YY1AP1: variants seen among roughly 807,000 people sequenced by gnomAD.
YY1AP1 encodes YY1 associated protein 1.
Under a neutral mutation model 39.9 loss-of-function variants are expected in YY1AP1, and 43 were observed. That is an observed-to-expected ratio of 1.08 (90% CI 0.84 to 1.39). YY1AP1 has a LOEUF of 1.39. Ranked by LOEUF, YY1AP1 falls within the 40% of genes most tolerant of loss-of-function variation. The pLI, the probability that YY1AP1 is intolerant of heterozygous loss-of-function variation, is 0.00. For synonymous variants in YY1AP1, 292 were observed against 331.3 expected (o/e 0.88, Z 1.29); for missense variants, 813 against 900.7 (o/e 0.90, Z 1.25).
intron 2 of YY1AP1, among the ~76,000 whole-genome samples, chr1:155,682,703 C>T (rs1435006438): frequency 6.6e-6 from 1 of 152,088 alleles, no homozygotes; most frequent in East Asian, 1.9e-4. Context: ...CACTGACATC[C>T]CAAAGGACAA....
chr1:155,672,510 C>T (rs1225506987), intron 7 of YY1AP1, 50 bp downstream of exon 7: 1 of 1,604,250 alleles, frequency 6.2e-7, no homozygotes, highest in Non-Finnish European at 8.5e-7. Flanking sequence ...AAGATTCCCA[C>T]CACCTCTCAC....
rs1032636237 is a variant in YY1AP1 at position 155,673,056 on chromosome 1, C to T, written c.412-325G>A. Reference sequence around the variant, plus strand: ...TATTTTGAGACATGGTCTCACTCTGCCGCTCAGGCTGGACTGCAGTGGCAT... The same window carrying T: ...TATTTTGAGACATGGTCTCACTCTGTCGCTCAGGCTGGACTGCAGTGGCAT... On this transcript the variant is annotated intron_variant, in intron 6 of 10. Transcript: ENST00000355499. 3.9e-5 allele frequency among the ~76,000 whole-genome samples: 6 copies of T among 152,202 alleles called. No homozygotes were observed. In the East Asian group the frequency reaches 9.7e-4, roughly 25 times the overall value.
intron 9 of YY1AP1, among the ~76,000 whole-genome samples, chr1:155,664,894 A>G (rs1306313635): frequency 1.3e-5 from 2 of 150,810 alleles, no homozygotes; most frequent in Non-Finnish European, 3.0e-5. Flanking sequence ...CTCAGCCTCC[A>G]GAGTACCTGG....
rs1466710596 is a variant in YY1AP1, at chr1:155,660,896, G to A, written c.1014C>T (p.Ile338=). The change falls in exon 11 of 11, where the codon ATC becomes ATT. Residue 338 remains isoleucine (I), a synonymous_variant. Coordinates refer to ENST00000355499, the MANE Select transcript of YY1AP1 (RefSeq NM_139119.3). ...CAGCCATGTGCCGCAGTTCTTCCTG[G>A]ATGGATGGCAGACTGGCCTATTGGA... ...PFWLKASLPS[I]QEELRHMADG... 1 of 1,614,046 alleles carries A rather than the reference G, an allele frequency of 6.2e-7. No homozygotes were observed. Among genetic ancestry groups the A allele is most frequent in the African/African-American group, 1.3e-5 (1 of 74,908 alleles).
upstream of YY1AP1, chr1:155,688,858 C>G (rs1653193754): frequency 6.2e-7 from 1 of 1,600,982 alleles, no homozygotes; most frequent in South Asian, 1.1e-5. Flanking sequence ...AGGAAGGGAC[C>G]GGCAAAGCGA....
intron 2 of YY1AP1, among the ~76,000 whole-genome samples, chr1:155,684,985 G>A (rs1472692155): frequency 1.3e-5 from 2 of 152,100 alleles, no homozygotes; most frequent in African/African-American, 4.8e-5. Flanking sequence ...TATCAGGAGG[G>A]CTTTCTACAT....
chr1:155,684,570 C>CTTT (rs539654881), intron 2 of YY1AP1, among the ~76,000 whole-genome samples: 3 of 137,210 alleles, frequency 2.2e-5, no homozygotes, highest in Admixed American at 7.4e-5. Context: ...ACATTTCTTG[C>CTTT]TTTTTTTTTT....
chr1:155,683,986 T>G (rs1651869816), intron 2 of YY1AP1, among the ~76,000 whole-genome samples: 1 of 151,986 alleles, frequency 6.6e-6, no homozygotes, highest in South Asian at 2.1e-4. Flanking sequence ...AGTGGCTCAC[T>G]CCTATAATCC....
At chr1:155,682,929 T>C (rs1447866050) in intron 2 of YY1AP1, among the ~76,000 whole-genome samples, 3 of 151,530 alleles carry the variant, frequency 2.0e-5, no homozygotes, top group African/African-American at 4.8e-5. Context: ...CTACTAAAAA[T>C]ACAAAAATTA....
chr1:155,675,737 T>C (rs112012246), intron 5 of YY1AP1, among the ~76,000 whole-genome samples: 21 of 152,274 alleles, frequency 1.4e-4, no homozygotes, highest in African/African-American at 5.1e-4. Flanking sequence ...GGATTACATG[T>C]GTGAGCCACT....
intron 8 of YY1AP1, among the ~76,000 whole-genome samples, chr1:155,669,187 C>T (rs746436176): frequency 1.3e-5 from 2 of 152,192 alleles, no homozygotes; most frequent in Non-Finnish European, 2.9e-5. Context: ...ACGTTTGCTA[C>T]CATGCCTAAC....
chr1:155,671,896 T>C (rs1261226504), intron 7 of YY1AP1, among the ~76,000 whole-genome samples: 2 of 152,142 alleles, frequency 1.3e-5, no homozygotes, highest in Non-Finnish European at 2.9e-5. Context: ...TAAAATAGAA[T>C]CCAAAGACAA....
chr1:155,664,402 A>C (rs964308481), intron 9 of YY1AP1, among the ~76,000 whole-genome samples: 1 of 152,190 alleles, frequency 6.6e-6, no homozygotes, highest in Non-Finnish European at 1.5e-5. Context: ...AGAGCTATAC[A>C]TATAAACAAG....
Position 155,660,835 on chromosome 1 carries a change from T to G in YY1AP1, c.1075A>C (p.Thr359Pro). The G allele has an allele frequency of 6.2e-7, 1 of 1,614,252 alleles. No individual in the cohort carries two copies. Among genetic ancestry groups the G allele is most frequent in the African/African-American group, 1.3e-5 (1 of 75,070 alleles). ...AGGCCTTGATCTGAGTTGATCTCAG[T>G]GGTTCCAGTCATATTTCCTACCTCT... ...AREVGNMTGT[T>P]EINSDQGLEK... The change falls in exon 11 of 11, where the codon ACT becomes CCT. Residue 359 changes from threonine to proline, a missense_variant. Around this residue, in one of 3 missense-constraint regions of YY1AP1, gnomAD observed 586 missense variants for 647.4 expected, o/e 0.91. Coordinates refer to ENST00000355499, the MANE Select transcript of YY1AP1 (RefSeq NM_139119.3).
At chr1:155,664,488 A>C (rs1648653074) in intron 9 of YY1AP1, among the ~76,000 whole-genome samples, 1 of 152,140 alleles carries the variant, frequency 6.6e-6, no homozygotes, top group Admixed American at 6.6e-5. Flanking sequence ...TAATCCCAGC[A>C]CTATGGGAGG....
At chr1:155,683,955 A>G (rs1651866774) in intron 2 of YY1AP1, among the ~76,000 whole-genome samples, 1 of 152,118 alleles carries the variant, frequency 6.6e-6, no homozygotes, top group Non-Finnish European at 1.5e-5. Context: ...TGATCTACAT[A>G]GCAAGACCTG....
At chr1:155,684,897 C>T (rs1652012267) in intron 2 of YY1AP1, among the ~76,000 whole-genome samples, 1 of 152,036 alleles carries the variant, frequency 6.6e-6, no homozygotes, top group Admixed American at 6.6e-5. Flanking sequence ...ATTTCTTGTT[C>T]TTTTAAAAGT....
At chr1:155,662,476 C>T (rs984612127) in intron 9 of YY1AP1, among the ~76,000 whole-genome samples, 4 of 149,752 alleles carry the variant, frequency 2.7e-5, no homozygotes, top group African/African-American at 7.4e-5. Context: ...TGCACTCCAG[C>T]GTTGGTAACA....
chr1:155,670,539 T>C, intron 7 of YY1AP1, 75 bp from the exon 8 acceptor site: 2 of 1,545,780 alleles, frequency 1.3e-6, no homozygotes, highest in Middle Eastern at 3.4e-4. Context: ...GAATGCATTT[T>C]TGCATTTAGG....
Sources: gnomAD v4.1 joint callset for allele counts (sites outside exome capture counted in the v4.1 genomes callset) on GRCh38, gnomAD v4.1.1 for gene constraint, gnomAD v4.1.1 regional missense constraint, MANE v1.5 for transcripts, NCBI Gene and HGNC (gene_info 2026-07-23, HGNC 2026-07-21) for gene names.